The following LRRC37A2 variants were observed in gnomAD, a reference collection of about 807,000 sequenced individuals.
LRRC37A2 encodes leucine rich repeat containing 37 member A2, also known as leucine-rich repeat-containing protein 37A2.
In LRRC37A2, 9 loss-of-function variants were observed where a neutral mutation model predicts 68.8. That is an observed-to-expected ratio of 0.13 (90% confidence interval 0.08 to 0.23). LRRC37A2 has a LOEUF of 0.23. Ranked by LOEUF, LRRC37A2 falls within the 10% of genes least tolerant of loss-of-function variation. The pLI, the probability that LRRC37A2 is intolerant of heterozygous loss-of-function variation, is 1.00. For synonymous variants in LRRC37A2, 63 were observed against 367.6 expected (o/e 0.17, Z 9.48); for missense variants, 168 against 950.4 (o/e 0.18, Z 10.82).
chr17:46,534,725 G>A (rs1292307171), intron 6 of LRRC37A2, among the ~76,000 whole-genome samples: 1 of 150,036 alleles, frequency 6.7e-6, no homozygotes, highest in Non-Finnish European at 1.5e-5. Flanking sequence ...CCTCCCAGAC[G>A]GGGTGGCGGC....
At chr17:46,722,283 G>A in the LRRC37A2 span, 1 of 844,394 alleles carries the variant, frequency 1.2e-6, no homozygotes, top group Non-Finnish European at 2.0e-6. Context: ...TGTAAGATAC[G>A]GTTCTTACCT....
chr17:46,773,872 AGCCCAGAGATGTGTACTGCTG>A, the LRRC37A2 span: 1 of 1,612,684 alleles, frequency 6.2e-7, no homozygotes, highest in South Asian at 1.1e-5. Context: ...AGGGGCTGTG[AGCCCAGAGATGTGTACTGCTG>A]GCCCAGGGCC....
the LRRC37A2 span, chr17:46,833,525 C>T: frequency 6.9e-6 from 3 of 437,752 alleles, no homozygotes; most frequent in African/African-American, 4.0e-5. Flanking sequence ...CTGAGCTTTC[C>T]GAGACACTGC....
At chr17:46,998,733 A>G in the LRRC37A2 span, 1 of 152,276 alleles carries the variant, frequency 6.6e-6, no homozygotes, top group African/African-American at 2.4e-5. Flanking sequence ...ATGCCTGGGG[A>G]CTTCTGGTGA....
chr17:46,709,898 C>A, the LRRC37A2 span, among the ~76,000 whole-genome samples: 2 of 152,140 alleles, frequency 1.3e-5, no homozygotes, highest in Non-Finnish European at 2.9e-5. Context: ...GAATGAGAAC[C>A]TTCCTCTGTA....
At chr17:46,947,143 A>T in the LRRC37A2 span, among the ~76,000 whole-genome samples, 1 of 152,104 alleles carries the variant, frequency 6.6e-6, no homozygotes, top group African/African-American at 2.4e-5. Flanking sequence ...CCTGACATGA[A>T]TGTGGATGCA....
chr17:47,012,418 C>T, the LRRC37A2 span, among the ~76,000 whole-genome samples: 1 of 151,832 alleles, frequency 6.6e-6, no homozygotes, highest in Non-Finnish European at 1.5e-5. Flanking sequence ...TTTGGGGCTT[C>T]AAAGAACACC....
At chr17:46,938,763 C>T in the LRRC37A2 span, 5 of 1,613,844 alleles carry the variant, frequency 3.1e-6, no homozygotes, top group African/African-American at 6.7e-5. Flanking sequence ...TGACATGAGC[C>T]AGCCACGCTC....
At chr17:46,868,520 C>T in the LRRC37A2 span, among the ~76,000 whole-genome samples, 2 of 152,124 alleles carry the variant, frequency 1.3e-5, no homozygotes, top group East Asian at 1.9e-4. Context: ...TGCTTGAACC[C>T]GGGAGGCAGA....
At chr17:46,838,322 TA>T in the LRRC37A2 span, among the ~76,000 whole-genome samples, 12,716 of 137,980 alleles carry the variant, frequency 0.092, 1,056 homozygotes, top group African/African-American at 0.23. Context: ...GGGCCTGCCT[TA>T]AAAAAAAAAA....
the LRRC37A2 span, chr17:46,923,506 C>G: frequency 1.4e-6 from 2 of 1,381,136 alleles, no homozygotes; most frequent in African/African-American, 2.9e-5. Flanking sequence ...CTGGCACCTG[C>G]AGGTTATAAA....
At chr17:46,767,355 AG>A in the LRRC37A2 span, among the ~76,000 whole-genome samples, 1 of 152,134 alleles carries the variant, frequency 6.6e-6, no homozygotes, top group African/African-American at 2.4e-5. Context: ...CCCAAGCTTC[AG>A]ATCTGTCAGG....
At chr17:46,938,372 A>G in the LRRC37A2 span, among the ~76,000 whole-genome samples, 1 of 152,202 alleles carries the variant, frequency 6.6e-6, no homozygotes, top group Non-Finnish European at 1.5e-5. Context: ...TTCCAGCACC[A>G]TTTGTGGAAA....
At chr17:46,821,910 G>T in the LRRC37A2 span, among the ~76,000 whole-genome samples, 6 of 152,228 alleles carry the variant, frequency 3.9e-5, no homozygotes, top group Admixed American at 1.3e-4. Context: ...GCCCCCGCCC[G>T]CCCTCATGGG....
the LRRC37A2 span, chr17:46,931,519 T>G: frequency 2.3e-6 from 1 of 429,744 alleles, no homozygotes; most frequent in Non-Finnish European, 4.2e-6. Flanking sequence ...CCATGGAGTT[T>G]TGTTCTGCTC....
chr17:46,917,332 T>C, the LRRC37A2 span: 1 of 152,340 alleles, frequency 6.6e-6, no homozygotes, highest in South Asian at 2.1e-4. Context: ...AGGCATAGGA[T>C]AGACATTCCC....
At chr17:46,914,885 G>T in the LRRC37A2 span, among the ~76,000 whole-genome samples, 1 of 151,956 alleles carries the variant, frequency 6.6e-6, no homozygotes, top group Admixed American at 6.6e-5. Context: ...TAATTCAAAG[G>T]GATCTTTCTT....
chr17:46,711,075 C>T, the LRRC37A2 span: 1 of 1,578,828 alleles, frequency 6.3e-7, no homozygotes, highest in Non-Finnish European at 8.6e-7. Context: ...GTGCAGCAGA[C>T]TAAGAACAGT....
At chr17:46,773,338 G>A in the LRRC37A2 span, among the ~76,000 whole-genome samples, 3 of 152,092 alleles carry the variant, frequency 2.0e-5, no homozygotes, top group Non-Finnish European at 4.4e-5. Flanking sequence ...CCACCCCAAA[G>A]CGGTATTTGC....
Sources: allele counts gnomAD v4.1 joint callset (sites outside exome capture counted in the v4.1 genomes callset), GRCh38; gene constraint gnomAD v4.1.1; transcripts MANE v1.5; gene names NCBI Gene and HGNC (gene_info 2026-07-23, HGNC 2026-07-21).